The following IKZF1 variants were observed in gnomAD, a reference collection of about 807,000 sequenced individuals.
IKZF1 encodes IKAROS family zinc finger 1.
A neutral mutation model predicts 51.7 loss-of-function variants in IKZF1; 10 were observed. That is an observed-to-expected ratio of 0.19 (90% confidence interval 0.12 to 0.33). The LOEUF is 0.33. IKZF1 is among the 10% of genes least tolerant of loss of function. The pLI, the probability that IKZF1 is intolerant of heterozygous loss-of-function variation, is 1.00. For missense variants in IKZF1, 484 were observed against 707.5 expected (o/e 0.68, Z 3.58); for synonymous variants, 280 against 282.3 (o/e 0.99, Z 0.08).
chr7:50,357,547 C>T (rs1489789878), intron 3 of IKZF1, among the ~76,000 whole-genome samples: 1 of 152,174 alleles, frequency 6.6e-6, no homozygotes, highest in African/African-American at 2.4e-5. Context: ...GGCTGCTGTG[C>T]ACCGTGGCAC....
At chr7:50,386,831 C>A (rs1813516866) in intron 5 of IKZF1, among the ~76,000 whole-genome samples, 1 of 152,146 alleles carries the variant, frequency 6.6e-6, no homozygotes, top group Non-Finnish European at 1.5e-5. Context: ...ATTTGTCCAG[C>A]ATGGTTTCTT....
intron 3 of IKZF1, among the ~76,000 whole-genome samples, chr7:50,336,413 G>A (rs1484384254): frequency 2.6e-5 from 4 of 152,168 alleles, no homozygotes; most frequent in Non-Finnish European, 4.4e-5. Flanking sequence ...GGAGTGGGGC[G>A]GGTTGCAGGC....
intron 7 of IKZF1, among the ~76,000 whole-genome samples, chr7:50,395,604 G>A (rs1371220476): frequency 6.6e-6 from 1 of 151,990 alleles, no homozygotes; most frequent in Non-Finnish European, 1.5e-5. Context: ...ATTCTATTCT[G>A]TAATCATAAT....
intron 5 of IKZF1, among the ~76,000 whole-genome samples, chr7:50,387,016 G>A (rs926069901): frequency 3.3e-5 from 5 of 152,134 alleles, no homozygotes; most frequent in African/African-American, 1.2e-4. Flanking sequence ...CTGTCCAGTC[G>A]CTGGCATCCA....
intron 3 of IKZF1, among the ~76,000 whole-genome samples, chr7:50,333,679 G>A (rs1004741073): frequency 4.5e-3 from 687 of 152,274 alleles, no homozygotes; most frequent in Non-Finnish European, 7.9e-3. Flanking sequence ...TGGAGTACTG[G>A]TTTTCAAGTT....
intron 3 of IKZF1, among the ~76,000 whole-genome samples, chr7:50,344,983 A>T (rs1799996778): frequency 6.6e-6 from 1 of 151,890 alleles, no homozygotes; most frequent in Non-Finnish European, 1.5e-5. Context: ...TTTTGCCATT[A>T]AAAGTAATAG....
rs1420799483 is a variant in IKZF1, at chr7:50,400,072, G to A, written c.1005G>A (p.Pro335=). 6.3e-7 allele frequency: 1 copy of A among 1,588,618 alleles called. No individual in the cohort carries two copies. Among genetic ancestry groups the A allele is most frequent in the Non-Finnish European group, 8.6e-7 (1 of 1,169,304 alleles). The change falls in exon 8 of 8, where the codon CCG becomes CCA. Residue 335 remains proline, a synonymous_variant. Coordinates refer to ENST00000331340, the MANE Select transcript of IKZF1 (RefSeq NM_006060.6). This position sits in a 1 kb window ranked among gnomAD's most constrained non-coding sequence, Gnocchi z 5.4. ...TGCGCCCGCTGGTGCAGACGCCCCC[G>A]GGCGGTTCCGAGGTGGTCCCGGTCA... is the stretch of plus-strand genomic sequence containing the variant. ...ESLRPLVQTP[P]GGSEVVPVIS... is the part of the protein sequence containing the mutation.
At chr7:50,362,113 G>T (rs1805432072) in intron 3 of IKZF1, among the ~76,000 whole-genome samples, 1 of 152,220 alleles carries the variant, frequency 6.6e-6, no homozygotes, top group Non-Finnish European at 1.5e-5. Flanking sequence ...CCAGACATTG[G>T]TTTTTCCTAA....
chr7:50,375,550 G>A (rs1809988176), intron 3 of IKZF1, among the ~76,000 whole-genome samples: 1 of 152,164 alleles, frequency 6.6e-6, no homozygotes, highest in African/African-American at 2.4e-5. Context: ...TCATCAGTCA[G>A]TGTTTCTGAA....
chr7:50,319,602 A>G (rs2153365047), intron 2 of IKZF1, among the ~76,000 whole-genome samples: 1 of 152,290 alleles, frequency 6.6e-6, no homozygotes. Flanking sequence ...GTAGTAGGAA[A>G]AGCCTAAGGG....
At chr7:50,357,487 T>C (rs1005235903) in intron 3 of IKZF1, among the ~76,000 whole-genome samples, 3 of 152,120 alleles carry the variant, frequency 2.0e-5, no homozygotes, top group African/African-American at 4.8e-5. Context: ...CTCCCTCCAG[T>C]TGGCATGGCT....
intron 3 of IKZF1, among the ~76,000 whole-genome samples, chr7:50,364,546 T>C (rs542371970): frequency 6.6e-6 from 1 of 152,350 alleles, no homozygotes; most frequent in South Asian, 2.1e-4. Flanking sequence ...CACTGAATAA[T>C]AGCTTCGCTA....
At position 50,400,044 on chromosome 7, in the gene IKZF1, C is replaced by A. The variant is rs765089275; in HGVS notation, c.977C>A (p.Ser326Tyr). 6.2e-7 allele frequency: 1 copy of A among 1,609,670 alleles called. No homozygotes were observed. The highest frequency in any genetic ancestry group is 8.5e-7 in the Non-Finnish European group (1 of 1,178,392). Residue 326 changes from serine (S) to tyrosine (Y), a missense_variant, in exon 8 of 8, where the codon TCC (serine) becomes TAC (tyrosine). Ser to Tyr is a moderately radical substitution (Grantham distance 144). Coordinates refer to ENST00000331340, the MANE Select transcript of IKZF1 (RefSeq NM_006060.6). This position sits in a 1 kb window ranked among gnomAD's most constrained non-coding sequence, Gnocchi z 5.4. ...GCCATCAACTACCTGGGGGCCGAGT[C>A]CCTGCGCCCGCTGGTGCAGACGCCC... ...NNAINYLGAESLRPLVQTPPG... is the reference protein window; with the variant it reads ...NNAINYLGAEYLRPLVQTPPG...
At chr7:50,348,247 C>A (rs982299637) in intron 3 of IKZF1, among the ~76,000 whole-genome samples, 1 of 152,060 alleles carries the variant, frequency 6.6e-6, no homozygotes, top group Non-Finnish European at 1.5e-5. Flanking sequence ...AAAATAAATT[C>A]TTTGAAGTCT....
intron 2 of IKZF1, among the ~76,000 whole-genome samples, chr7:50,320,766 T>G (rs796329533): frequency 4.6e-5 from 7 of 152,358 alleles, no homozygotes; most frequent in African/African-American, 1.7e-4. Flanking sequence ...AGTTTGTGAT[T>G]ATCTATATAA....
intron 2 of IKZF1, among the ~76,000 whole-genome samples, chr7:50,323,674 C>A (rs1486263643): frequency 6.6e-6 from 1 of 152,040 alleles, no homozygotes; most frequent in African/African-American, 2.4e-5. Context: ...CTAAATTATT[C>A]TATTTAAACA....
At chr7:50,392,806 GGGA>G (rs1207104634) in intron 7 of IKZF1, among the ~76,000 whole-genome samples, 1 of 152,204 alleles carries the variant, frequency 6.6e-6, no homozygotes, top group Non-Finnish European at 1.5e-5. Context: ...GGAGGAATGG[GGGA>G]ATCTAGGCAG....
intron 3 of IKZF1, among the ~76,000 whole-genome samples, chr7:50,359,483 A>G (rs1804574207): frequency 6.6e-6 from 1 of 152,174 alleles, no homozygotes; most frequent in Non-Finnish European, 1.5e-5. Context: ...GACATTCCGA[A>G]CAGTGGAGAC....
intron 4 of IKZF1, chr7:50,377,202 A>C: frequency 5.6e-6 from 1 of 177,580 alleles, no homozygotes; most frequent in Middle Eastern, 2.7e-3. Flanking sequence ...AACCATGAGT[A>C]AAATGTGTGT....
Sources: gnomAD v4.1 joint callset for allele counts (sites outside exome capture counted in the v4.1 genomes callset) on GRCh38, gnomAD v4.1.1 for gene constraint, Gnocchi (gnomAD v3.1) non-coding constraint, MANE v1.5 for transcripts, NCBI Gene and HGNC (gene_info 2026-07-23, HGNC 2026-07-21) for gene names.